CNKSR2: variants seen among roughly 807,000 people sequenced by gnomAD.
CNKSR2 encodes CNK homolog protein 2.
CNKSR2 carries 14 observed loss-of-function variants against 84.4 expected under a neutral mutation model. The ratio of observed to expected loss-of-function variants is 0.17; its 90% confidence interval spans 0.11 to 0.26. CNKSR2 has a LOEUF of 0.26. Ranked by LOEUF, CNKSR2 falls within the 10% of genes least tolerant of loss-of-function variation. CNKSR2 has a pLI of 1.00. For synonymous variants in CNKSR2, 275 were observed against 277.9 expected (o/e 0.99, Z 0.10); for missense variants, 485 against 771.2 (o/e 0.63, Z 4.40).
At chrX:21,581,654 C>G (rs1415977212) in intron 13 of CNKSR2, among the ~76,000 whole-genome samples, 1 of 111,734 alleles carries the variant, frequency 8.9e-6, no homozygotes, top group African/African-American at 3.3e-5. Flanking sequence ...GATGCGCTGA[C>G]AGATTGCATA....
chrX:21,575,978 G>A (rs2092316831), intron 13 of CNKSR2, among the ~76,000 whole-genome samples: 1 of 112,009 alleles, frequency 8.9e-6, no homozygotes, highest in Admixed American at 9.5e-5. Flanking sequence ...CAGATTGAAA[G>A]ATTTACAATT....
At chrX:21,488,579 A>G (rs930196512) in intron 5 of CNKSR2, among the ~76,000 whole-genome samples, 7 of 111,880 alleles carry the variant, frequency 6.3e-5, no homozygotes, top group African/African-American at 1.6e-4. Flanking sequence ...TGAGAAGCAG[A>G]TGCAAACAGC....
chrX:21,432,727 G>A lies in CNKSR2; in HGVS notation c.344G>A (p.Arg115Lys), dbSNP rs375999516. 2.5e-6 allele frequency: 3 copies of A among 1,208,486 alleles called. No homozygotes were observed. Among genetic ancestry groups the A allele is most frequent in the African/African-American group, 3.5e-5 (2 of 57,018 alleles). The change falls in exon 3 of 22, where the codon AGG (arginine) becomes AAG (lysine). Residue 115 changes from arginine to lysine, a missense_variant. Arg to Lys is a conservative substitution (Grantham distance 26). Transcript: ENST00000379510. Reference protein sequence around the residue: ...GRRRSGHYDGRTSRKLPNDFL... With the variant: ...GRRRSGHYDGKTSRKLPNDFL... ...AGAAGGAGTGGCCATTATGATGGGA[G>A]GACCAGCCGAAAATTGCCAAACGAC...
At chrX:21,533,984 T>C (rs2091906514) in intron 11 of CNKSR2, among the ~76,000 whole-genome samples, 1 of 110,590 alleles carries the variant, frequency 9.0e-6, no homozygotes. Flanking sequence ...TAATAAATTA[T>C]TGTTACCTAT....
chrX:21,615,211 T>A (rs1251678974), intron 20 of CNKSR2, among the ~76,000 whole-genome samples: 2 of 112,508 alleles, frequency 1.8e-5, no homozygotes, highest in Non-Finnish European at 3.8e-5. Context: ...AATATATATA[T>A]GCACATGCAT....
At chrX:21,431,012 C>A in intron 2 of CNKSR2, among the ~76,000 whole-genome samples, 1 of 111,887 alleles carries the variant, frequency 8.9e-6, no homozygotes, top group East Asian at 2.8e-4. Flanking sequence ...AGAAAGTGTT[C>A]TTTTAATAAA....
intron 1 of CNKSR2, among the ~76,000 whole-genome samples, chrX:21,387,187 A>C (rs143822408): frequency 8.9e-6 from 1 of 112,378 alleles, no homozygotes; most frequent in Non-Finnish European, 1.9e-5. Flanking sequence ...CATAGAAAAT[A>C]AATACAGCAG....
intron 1 of CNKSR2, chrX:21,422,149 C>CT (rs1283270761): frequency 9.0e-6 from 1 of 111,679 alleles, no homozygotes; most frequent in Admixed American, 9.5e-5. Context: ...TCATATTGGT[C>CT]TCCCTGAAGG....
intron 4 of CNKSR2, among the ~76,000 whole-genome samples, chrX:21,460,974 G>T (rs2091053574): frequency 8.9e-6 from 1 of 112,518 alleles, no homozygotes; most frequent in Non-Finnish European, 1.9e-5. Context: ...TGGCTATTGT[G>T]AACAGAGCTG....
At chrX:21,641,463 C>G in intron 20 of CNKSR2, 1 of 1,120,967 alleles carries the variant, frequency 8.9e-7, no homozygotes, top group Non-Finnish European at 1.2e-6. Flanking sequence ...AATACAAATA[C>G]TAATATGCTT....
At chrX:21,538,395 A>G (rs2147135905) in intron 11 of CNKSR2, 1 of 111,677 alleles carries the variant, frequency 9.0e-6, no homozygotes, top group South Asian at 3.7e-4. Context: ...GACAATTTGA[A>G]TATAATGTGA....
chrX:21,650,374 G>A (rs2147347942), intron 21 of CNKSR2, among the ~76,000 whole-genome samples: 1 of 97,535 alleles, frequency 1.0e-5, no homozygotes, highest in Non-Finnish European at 2.0e-5. Context: ...GAGTTGAACA[G>A]TGAGAACACA....
intron 8 of CNKSR2, among the ~76,000 whole-genome samples, chrX:21,516,058 A>G (rs892302962): frequency 2.7e-5 from 3 of 111,721 alleles, no homozygotes. Flanking sequence ...TCTCTAAAAG[A>G]TGGTGATGAG....
chrX:21,449,951 A>G (rs192667629), intron 4 of CNKSR2, among the ~76,000 whole-genome samples: 1 of 112,303 alleles, frequency 8.9e-6, no homozygotes, highest in African/African-American at 3.2e-5. Flanking sequence ...ACAGTCTGCC[A>G]CAGCAATCAA....
intron 20 of CNKSR2, chrX:21,644,463 A>G (rs1207995907): frequency 8.9e-6 from 1 of 112,143 alleles, no homozygotes; most frequent in East Asian, 2.8e-4. Flanking sequence ...GGTGGATACT[A>G]GAGTAAAATT....
At chrX:21,629,018 C>T (rs1011322330) in intron 20 of CNKSR2, among the ~76,000 whole-genome samples, 8 of 112,318 alleles carry the variant, frequency 7.1e-5, no homozygotes, top group African/African-American at 2.3e-4. Flanking sequence ...TTCTTGAATG[C>T]TTTGCTGCTT....
At chrX:21,563,193 G>A in intron 12 of CNKSR2, 45 bp from the exon 13 acceptor site, 1 of 985,107 alleles carries the variant, frequency 1.0e-6, no homozygotes, top group Non-Finnish European at 1.4e-6. Flanking sequence ...GTAAATTTGG[G>A]GTATTTGTGT....
chrX:21,502,421 TATC>T (rs1177372768), intron 8 of CNKSR2, among the ~76,000 whole-genome samples: 1 of 109,280 alleles, frequency 9.2e-6, no homozygotes, highest in Non-Finnish European at 1.9e-5. Context: ...AAATTATTAA[TATC>T]ATAACTCATT....
chrX:21,561,642 G>A, intron 12 of CNKSR2, 82 bp downstream of exon 12: 1 of 693,369 alleles, frequency 1.4e-6, no homozygotes. Flanking sequence ...GATTGTTATG[G>A]CTTCAGTGGA....
Sources: allele counts gnomAD v4.1 joint callset (sites outside exome capture counted in the v4.1 genomes callset), GRCh38; gene constraint gnomAD v4.1.1; transcripts MANE v1.5; gene names NCBI Gene and HGNC (gene_info 2026-07-23, HGNC 2026-07-21).